TCAF1: variants seen among roughly 807,000 people sequenced by gnomAD.
TCAF1 encodes TRPM8 channel associated factor 1, also known as TRPM8 channel-associated factor 1.
In TCAF1, 4 loss-of-function variants were observed where a neutral mutation model predicts 27.3. The ratio of observed to expected loss-of-function variants is 0.15; its 90% confidence interval spans 0.07 to 0.34. The LOEUF (loss-of-function observed/expected upper bound fraction) is 0.34, where lower values mean the gene tolerates loss of function less well. Ranked by LOEUF, TCAF1 falls within the 10% of genes least tolerant of loss-of-function variation. The pLI, the probability that TCAF1 is intolerant of heterozygous loss-of-function variation, is 1.00. For missense variants in TCAF1, 257 were observed against 425.8 expected (o/e 0.60, Z 3.49); for synonymous variants, 105 against 167.1 (o/e 0.63, Z 2.87).
At chr7:143,858,597 AG>A (rs1240607717) in intron 7 of TCAF1, among the ~76,000 whole-genome samples, 1 of 152,176 alleles carries the variant, frequency 6.6e-6, no homozygotes, top group Non-Finnish European at 1.5e-5. Flanking sequence ...ATGGGGTGGA[AG>A]GTGAGGCTCA....
At chr7:143,888,758 TG>T (rs1813525691) in intron 1 of TCAF1, among the ~76,000 whole-genome samples, 1 of 152,170 alleles carries the variant, frequency 6.6e-6, no homozygotes, top group African/African-American at 2.4e-5. Flanking sequence ...AAAATTCACA[TG>T]AAAGGAGAAG....
chr7:143,895,064 T>C (rs1451333322), intron 1 of TCAF1, among the ~76,000 whole-genome samples: 2 of 151,772 alleles, frequency 1.3e-5, no homozygotes, highest in African/African-American at 4.8e-5. Context: ...AAATTAACTA[T>C]AGTGACAATA....
Position 143,876,261 on chromosome 7 carries a change from T to G in TCAF1, c.348A>C (p.Pro116=), listed in dbSNP as rs768475979. ...AAACCCCCAGGGAGTCTTTCACTTCTGGCTCAACCTTTGCATCCACTCCAG... is the reference window on the plus strand; with the variant it reads ...AAACCCCCAGGGAGTCTTTCACTTCGGGCTCAACCTTTGCATCCACTCCAG... ...EGSGVDAKVE[P]EVKDSLGVYC... is the part of the protein sequence containing the mutation. The change falls in exon 2 of 9, where the codon CCA becomes CCC. Residue 116 remains proline, a synonymous_variant. Coordinates refer to ENST00000479870, the MANE Select transcript of TCAF1 (RefSeq NM_014719.3). 2 of 1,614,240 alleles carry G rather than the reference T, an allele frequency of 1.2e-6. No homozygotes were observed. The highest frequency in any genetic ancestry group is 3.3e-5 in the Admixed American group (2 of 60,026).
At chr7:143,884,980 G>C in intron 1 of TCAF1, 1 of 985,352 alleles carries the variant, frequency 1.0e-6, no homozygotes, top group Non-Finnish European at 1.2e-6. Context: ...AACCCTTTTT[G>C]AAAGACATCT....
intron 1 of TCAF1, among the ~76,000 whole-genome samples, chr7:143,893,130 T>A (rs1036185455): frequency 6.6e-6 from 1 of 152,160 alleles, no homozygotes; most frequent in Non-Finnish European, 1.5e-5. Flanking sequence ...ATGGCTTATG[T>A]ACAATGGGCA....
chr7:143,859,967 TTATATAA>T (rs1811859199), intron 6 of TCAF1, among the ~76,000 whole-genome samples: 3 of 48,326 alleles, frequency 6.2e-5, no homozygotes, highest in South Asian at 1.1e-3. Flanking sequence ...GGAATATATA[TTATATAA>T]TATATATTAT....
chr7:143,900,160 A>T lies in TCAF1; in HGVS notation c.-15+1801T>A, dbSNP rs531103417. Among the ~76,000 whole-genome samples, 8 of 152,332 alleles carry T rather than the reference A, an allele frequency of 5.3e-5. No homozygotes were observed. The South Asian group carries it at 1.7e-3, about 32-fold the overall frequency. On this transcript the variant is annotated intron_variant, in intron 1 of 8. Transcript: ENST00000479870. Reference sequence around the variant, plus strand: ...TCTAGGGAAGCTCCCACACAAGTGTACTTGAATATTAGAGGACATGGGCAG... The same window carrying T: ...TCTAGGGAAGCTCCCACACAAGTGTTCTTGAATATTAGAGGACATGGGCAG...
intron 6 of TCAF1, among the ~76,000 whole-genome samples, chr7:143,859,967 T>TTATATATTATA (rs1811858753): frequency 2.1e-5 from 1 of 48,326 alleles, no homozygotes; most frequent in Non-Finnish European, 3.7e-5. Context: ...GGAATATATA[T>TTATATATTATA]TATATAATAT....
chr7:143,857,389 TA>T, intron 7 of TCAF1, 39 bp from the exon 8 acceptor site: 7 of 686,790 alleles, frequency 1.0e-5, no homozygotes, highest in East Asian at 2.5e-5. Flanking sequence ...GATTTGGAAA[TA>T]AAAAAGGGTC....
intron 1 of TCAF1, chr7:143,885,267 G>T: frequency 1.0e-6 from 1 of 985,622 alleles, no homozygotes; most frequent in Non-Finnish European, 1.2e-6. Context: ...CTTCCACAGA[G>T]ATGTGGGAAG....
At chr7:143,894,728 T>C (rs1396667689) in intron 1 of TCAF1, among the ~76,000 whole-genome samples, 1 of 151,494 alleles carries the variant, frequency 6.6e-6, no homozygotes, top group Non-Finnish European at 1.5e-5. Flanking sequence ...ATTATAAAAA[T>C]TAAATAAAGA....
chr7:143,882,544 T>G, intron 1 of TCAF1: 1 of 985,058 alleles, frequency 1.0e-6, no homozygotes. Flanking sequence ...CCAGCAGAAA[T>G]ACGGACACAA....
chr7:143,895,534 G>A (rs947993509), intron 1 of TCAF1, among the ~76,000 whole-genome samples: 4 of 151,728 alleles, frequency 2.6e-5, no homozygotes, highest in Non-Finnish European at 5.9e-5. Context: ...GTCTTCTGAG[G>A]TGTTGTAAAT....
intron 1 of TCAF1, among the ~76,000 whole-genome samples, chr7:143,892,955 C>G (rs1225351010): frequency 6.6e-6 from 1 of 152,082 alleles, no homozygotes; most frequent in Admixed American, 6.6e-5. Flanking sequence ...ACATTTGTGT[C>G]ACAGCAGCCC....
intron 1 of TCAF1, chr7:143,886,383 C>G (rs890768472): frequency 7.4e-6 from 3 of 404,734 alleles, no homozygotes; most frequent in Admixed American, 6.4e-5. Context: ...AAGGTGGCTT[C>G]AGTGGTGAAA....
intron 1 of TCAF1, among the ~76,000 whole-genome samples, chr7:143,878,004 C>A (rs1812810426): frequency 6.6e-6 from 1 of 152,174 alleles, no homozygotes; most frequent in Admixed American, 6.5e-5. Flanking sequence ...TTATGGCAGT[C>A]TGAGTTTGAA....
chr7:143,873,284 CA>C (rs1400716680), intron 2 of TCAF1, among the ~76,000 whole-genome samples: 52 of 58,424 alleles, frequency 8.9e-4, no homozygotes, highest in African/African-American at 3.2e-3. Context: ...TGGTTTTTGA[CA>C]TTTTGTTAGG....
At chr7:143,886,188 C>T (rs927809252) in intron 1 of TCAF1, among the ~76,000 whole-genome samples, 1 of 152,148 alleles carries the variant, frequency 6.6e-6, no homozygotes, top group Admixed American at 6.5e-5. Flanking sequence ...GTCCCCAGGG[C>T]CCCAGGGAGA....
At position 143,859,987 on chromosome 7, in the gene TCAF1, A is replaced by G. The variant is rs1450296997; in HGVS notation, c.2167+221T>C. The stretch of plus-strand genomic sequence containing the variant: ...ATATATTATATAATATATATTATAT[A>G]ATATATATTATATAATATATATATA... On this transcript the variant is annotated intron_variant, in intron 6 of 8. Coordinates refer to ENST00000479870, the MANE Select transcript of TCAF1 (RefSeq NM_014719.3). Among the ~76,000 whole-genome samples the G allele has an allele frequency of 1.1e-3, 22 of 20,464 alleles. 2 individuals are homozygous for G. The highest frequency in any genetic ancestry group is 2.7e-3 in the African/African-American group (22 of 8,292). 13.4% of individuals were successfully genotyped at this position (20,464 alleles called of 152,430 possible). A position where few individuals can be genotyped will look rare whatever the true frequency, so the allele number is the denominator to read the frequency against.
Sources: allele counts gnomAD v4.1 joint callset (sites outside exome capture counted in the v4.1 genomes callset), GRCh38; gene constraint gnomAD v4.1.1; transcripts MANE v1.5; gene names NCBI Gene and HGNC (gene_info 2026-07-23, HGNC 2026-07-21).